The following MAP3K7 variants were observed in gnomAD, a reference collection of about 807,000 sequenced individuals.
MAP3K7 encodes mitogen-activated protein kinase kinase kinase 7.
MAP3K7 carries 21 observed loss-of-function variants against 84.8 expected under a neutral mutation model. The observed-to-expected ratio is 0.25, with a 90% CI of 0.18 to 0.36. The LOEUF (loss-of-function observed/expected upper bound fraction) is 0.36. MAP3K7 is among the 10% of genes least tolerant of loss of function. The pLI is 1.00. For missense variants in MAP3K7, 503 were observed against 747.7 expected (o/e 0.67, Z 3.82); for synonymous variants, 241 against 247.7 (o/e 0.97, Z 0.25).
chr6:90,530,739 G>A (rs1775481607), intron 13 of MAP3K7, among the ~76,000 whole-genome samples: 1 of 152,144 alleles, frequency 6.6e-6, no homozygotes, highest in South Asian at 2.1e-4. Context: ...TGTAGTTTTT[G>A]AGTATGTGAA....
chr6:90,586,675 G>A (rs1777469572), intron 1 of MAP3K7, 89 bp downstream of exon 1: 2 of 1,495,466 alleles, frequency 1.3e-6, no homozygotes, highest in Non-Finnish European at 1.8e-6. Flanking sequence ...AATTAGAGGG[G>A]CCCCGGGAGG....
At chr6:90,517,678 T>C (rs1174335338) in intron 16 of MAP3K7, among the ~76,000 whole-genome samples, 1 of 151,838 alleles carries the variant, frequency 6.6e-6, no homozygotes, top group African/African-American at 2.4e-5. Flanking sequence ...TTGGTTCCAT[T>C]TAAATCACTG....
At chr6:90,564,476 C>T (rs923508558) in intron 3 of MAP3K7, among the ~76,000 whole-genome samples, 107 of 152,094 alleles carry the variant, frequency 7.0e-4, no homozygotes, top group African/African-American at 2.1e-3. Flanking sequence ...ACAAAGAAGG[C>T]CATTACATAA....
chr6:90,570,729 G>T (rs1022365699), intron 2 of MAP3K7, among the ~76,000 whole-genome samples: 1 of 152,076 alleles, frequency 6.6e-6, no homozygotes, highest in Non-Finnish European at 1.5e-5. Flanking sequence ...CGATCTTTTT[G>T]ACTTGTGATT....
intron 12 of MAP3K7, 66 bp downstream of exon 12, chr6:90,544,486 T>C: frequency 7.1e-7 from 1 of 1,411,522 alleles, no homozygotes. Context: ...AGAAGCATTT[T>C]ACAAGTACCA....
At chr6:90,518,368 A>G in intron 16 of MAP3K7, 79 bp downstream of exon 16, 4 of 759,984 alleles carry the variant, frequency 5.3e-6, no homozygotes, top group Non-Finnish European at 8.5e-6. Flanking sequence ...TCTAAAAACT[A>G]CGTTTTCATT....
intron 5 of MAP3K7, among the ~76,000 whole-genome samples, chr6:90,559,443 GA>G (rs1259746001): frequency 5.4e-5 from 8 of 149,066 alleles, no homozygotes; most frequent in Non-Finnish European, 8.9e-5. Flanking sequence ...GTGCATAAAA[GA>G]AAAAAAAAGA....
At chr6:90,560,013 G>C in intron 5 of MAP3K7, 63 bp downstream of exon 5, 1 of 1,583,982 alleles carries the variant, frequency 6.3e-7, no homozygotes, top group Non-Finnish European at 8.7e-7. Context: ...GAGTGGGTTC[G>C]GGGTGGTGAG....
At chr6:90,543,581 G>A (rs978795356) in intron 12 of MAP3K7, among the ~76,000 whole-genome samples, 1 of 152,060 alleles carries the variant, frequency 6.6e-6, no homozygotes, top group African/African-American at 2.4e-5. Flanking sequence ...TTTCAGTTTA[G>A]TAGAGGAGAA....
chr6:90,544,185 G>A (rs1775933811), intron 12 of MAP3K7, among the ~76,000 whole-genome samples: 3 of 152,060 alleles, frequency 2.0e-5, no homozygotes, highest in Non-Finnish European at 4.4e-5. Context: ...AAGGAAAGGA[G>A]CCAAGGAAAA....
At chr6:90,565,314 A>T (rs945704032) in intron 3 of MAP3K7, among the ~76,000 whole-genome samples, 3 of 152,192 alleles carry the variant, frequency 2.0e-5, no homozygotes, top group Non-Finnish European at 4.4e-5. Flanking sequence ...ATAGACCACT[A>T]GCAAGACTAA....
chr6:90,551,425 C>T (rs557364194), intron 8 of MAP3K7: 1 of 152,144 alleles, frequency 6.6e-6, no homozygotes, highest in East Asian at 1.9e-4. Context: ...TACCAAAAAC[C>T]AGAGGCGTAA....
At position 90,523,797 on chromosome 6, in the gene MAP3K7, T is replaced by C; in HGVS notation, c.1357-14A>G. On this transcript the variant is annotated splice_polypyrimidine_tract_variant and intron_variant, in intron 13 of 16. Coordinates refer to ENST00000369329, the MANE Select transcript of MAP3K7 (RefSeq NM_145331.3). ...CCTACTGCTCACCTACAGGAAGAAG[T>C]CACAGGAGAAACAAAATGTGATTTT... is the stretch of plus-strand genomic sequence containing the variant. The C allele has an allele frequency of 7.0e-7, 1 of 1,420,644 alleles. No individual in the cohort carries two copies. Among genetic ancestry groups the C allele is most frequent in the Middle Eastern group, 1.8e-4 (1 of 5,708 alleles). 88.0% of individuals were successfully genotyped at this position (1,420,644 alleles called of 1,614,324 possible).
At chr6:90,574,680 T>C (rs1447604274) in intron 1 of MAP3K7, among the ~76,000 whole-genome samples, 1 of 152,204 alleles carries the variant, frequency 6.6e-6, no homozygotes, top group Non-Finnish European at 1.5e-5. Flanking sequence ...CCAAACATTA[T>C]CTATATTTGT....
intron 1 of MAP3K7, among the ~76,000 whole-genome samples, chr6:90,575,040 AG>A (rs1286424532): frequency 1.3e-5 from 2 of 152,242 alleles, no homozygotes; most frequent in Non-Finnish European, 2.9e-5. Context: ...AATACAGGAT[AG>A]AAATAATAAC....
intron 1 of MAP3K7, among the ~76,000 whole-genome samples, chr6:90,575,698 A>G (rs981307152): frequency 6.6e-6 from 1 of 152,150 alleles, no homozygotes; most frequent in Non-Finnish European, 1.5e-5. Flanking sequence ...CTTAATGAAG[A>G]ACACAGCTGG....
At chr6:90,523,121 TGG>T (rs1775206741) in intron 14 of MAP3K7, among the ~76,000 whole-genome samples, 1 of 152,236 alleles carries the variant, frequency 6.6e-6, no homozygotes, top group African/African-American at 2.4e-5. Flanking sequence ...TTATTCATGT[TGG>T]GGAGCTTTAA....
chr6:90,528,077 A>C (rs1274507855), intron 13 of MAP3K7, among the ~76,000 whole-genome samples: 1 of 23,732 alleles, frequency 4.2e-5, no homozygotes, highest in East Asian at 5.2e-4. Context: ...ACGGGGTTTC[A>C]CCGTGTTAGC....
chr6:90,547,601 C>T (rs560435756), intron 10 of MAP3K7, among the ~76,000 whole-genome samples: 1 of 152,102 alleles, frequency 6.6e-6, no homozygotes, highest in South Asian at 2.1e-4. Context: ...GAACTGGGAG[C>T]TAAAAGCCCC....
Sources: allele counts gnomAD v4.1 joint callset (sites outside exome capture counted in the v4.1 genomes callset), GRCh38; gene constraint gnomAD v4.1.1; transcripts MANE v1.5; gene names NCBI Gene and HGNC (gene_info 2026-07-23, HGNC 2026-07-21).